Variants in XPR1 observed in about 807,000 individuals in gnomAD.
XPR1 encodes xenotropic and polytropic retrovirus receptor 1.
Under a neutral mutation model 87.5 loss-of-function variants are expected in XPR1, and 28 were observed. That is an observed-to-expected ratio of 0.32 (90% CI 0.24 to 0.44). The LOEUF is 0.44. Ranked by LOEUF, XPR1 falls within the 20% of genes least tolerant of loss-of-function variation. The pLI is 1.00. For missense variants in XPR1, 559 were observed against 862.3 expected, an observed-to-expected ratio of 0.65 and a Z score of 4.41; for synonymous variants, 300 against 306.1, an observed-to-expected ratio of 0.98 and a Z score of 0.21.
intron 2 of XPR1, among the ~76,000 whole-genome samples, chr1:180,770,152 G>A (rs1269490698): frequency 6.6e-6 from 1 of 152,046 alleles, no homozygotes; most frequent in Non-Finnish European, 1.5e-5. Flanking sequence ...CCTGTATTTT[G>A]TTTTATGTTT....
At chr1:180,813,019 T>G (rs922844818) in intron 7 of XPR1, among the ~76,000 whole-genome samples, 4 of 150,326 alleles carry the variant, frequency 2.7e-5, no homozygotes, top group Non-Finnish European at 5.9e-5. Flanking sequence ...CTTGCCTCCT[T>G]ATAGCTACTA....
At chr1:180,674,341 T>G (rs1656292161) in intron 1 of XPR1, among the ~76,000 whole-genome samples, 1 of 151,986 alleles carries the variant, frequency 6.6e-6, no homozygotes, top group Non-Finnish European at 1.5e-5. Context: ...TCACCACAAC[T>G]GCCGCCTCCC....
chr1:180,842,260 A>G (rs965908313), intron 11 of XPR1, among the ~76,000 whole-genome samples: 1 of 152,178 alleles, frequency 6.6e-6, no homozygotes, highest in Admixed American at 6.5e-5. Flanking sequence ...TAGCAACAGC[A>G]TTATATTAGG....
At chr1:180,737,095 T>C (rs934650737) in intron 2 of XPR1, among the ~76,000 whole-genome samples, 3 of 152,186 alleles carry the variant, frequency 2.0e-5, no homozygotes, top group Non-Finnish European at 2.9e-5. Context: ...GATAAGCATC[T>C]TTTTGAGAGT....
At chr1:180,784,028 C>T (rs1571834558) in intron 2 of XPR1, among the ~76,000 whole-genome samples, 1 of 151,782 alleles carries the variant, frequency 6.6e-6, no homozygotes, top group Non-Finnish European at 1.5e-5. Context: ...GCATTCCAGC[C>T]TGGGTGACAG....
intron 11 of XPR1, among the ~76,000 whole-genome samples, chr1:180,851,647 A>G (rs1354213573): frequency 6.6e-6 from 1 of 152,142 alleles, no homozygotes; most frequent in Non-Finnish European, 1.5e-5. Context: ...AAGGCTGTTG[A>G]TCAAATGTGT....
Position 180,847,282 on chromosome 1 carries a change from T to G in XPR1, c.1501+10566T>G, listed in dbSNP as rs567524172. ...AAAGTTGATATTTGAAATTAATTTT[T>G]AAATCTGTCATTAAACTTTCTATTG... On this transcript the variant is annotated intron_variant, in intron 11 of 14. Coordinates refer to ENST00000367590, the MANE Select transcript of XPR1 (RefSeq NM_004736.4). Among the ~76,000 whole-genome samples, 3 of 152,352 alleles carry G rather than the reference T, an allele frequency of 2.0e-5. No homozygotes were observed. The South Asian group carries it at 6.2e-4, about 32-fold the overall frequency.
intron 7 of XPR1, among the ~76,000 whole-genome samples, chr1:180,824,456 C>G (rs1650752174): frequency 1.3e-5 from 2 of 152,062 alleles, no homozygotes; most frequent in African/African-American, 4.8e-5. Flanking sequence ...TGGTGCGTGC[C>G]TGTAATCCCA....
intron 2 of XPR1, among the ~76,000 whole-genome samples, chr1:180,772,925 A>G (rs1300636623): frequency 6.6e-6 from 1 of 152,206 alleles, no homozygotes; most frequent in Non-Finnish European, 1.5e-5. Context: ...TTGCATATAT[A>G]TTAACAACCA....
At chr1:180,819,109 T>C (rs578204242) in intron 7 of XPR1, among the ~76,000 whole-genome samples, 1 of 152,202 alleles carries the variant, frequency 6.6e-6, no homozygotes, top group Non-Finnish European at 1.5e-5. Context: ...AGTAGCACCA[T>C]GCCTGGCTAA....
At position 180,884,126 on chromosome 1, in the gene XPR1, C is replaced by A; in HGVS notation, c.*60C>A. On this transcript the variant is annotated 3_prime_UTR_variant, in exon 15 of 15. Coordinates refer to ENST00000367590, the MANE Select transcript of XPR1 (RefSeq NM_004736.4). ...CCTACTCTACAATCCTTTCCTCGAC[C>A]AACGCAACCTCTAGTACCTTTCCAG... The A allele has an allele frequency of 6.6e-7, 1 of 1,513,916 alleles. No individual in the cohort carries two copies. The highest frequency in any genetic ancestry group is 9.1e-7 in the Non-Finnish European group (1 of 1,093,662). The allele number at this position is 1,513,916 out of a possible 1,614,324, so 93.8% of individuals were successfully genotyped here.
At chr1:180,796,281 T>C (rs1481139042) in intron 3 of XPR1, among the ~76,000 whole-genome samples, 1 of 152,196 alleles carries the variant, frequency 6.6e-6, no homozygotes, top group Non-Finnish European at 1.5e-5. Flanking sequence ...ATTGGGATAC[T>C]TGGTGTCAAA....
intron 1 of XPR1, among the ~76,000 whole-genome samples, chr1:180,680,164 A>G (rs1220592629): frequency 6.6e-6 from 1 of 152,102 alleles, no homozygotes; most frequent in African/African-American, 2.4e-5. Context: ...AATCAAAACC[A>G]CAGTGAGGTA....
At chr1:180,875,781 A>G (rs1652642065) in intron 13 of XPR1, among the ~76,000 whole-genome samples, 1 of 152,116 alleles carries the variant, frequency 6.6e-6, no homozygotes, top group African/African-American at 2.4e-5. Context: ...GCCAAACTTA[A>G]TTTCCTTAAA....
intron 6 of XPR1, among the ~76,000 whole-genome samples, chr1:180,809,906 A>G (rs1650147683): frequency 6.6e-6 from 1 of 152,206 alleles, no homozygotes; most frequent in Admixed American, 6.5e-5. Flanking sequence ...GCTTTCAGTC[A>G]GAAACTAACA....
At chr1:180,724,955 G>A (rs192583497) in intron 2 of XPR1, among the ~76,000 whole-genome samples, 1 of 152,174 alleles carries the variant, frequency 6.6e-6, no homozygotes, top group East Asian at 1.9e-4. Flanking sequence ...CAAACCCGTC[G>A]CCATAAAACT....
At chr1:180,845,115 T>G (rs890847014) in intron 11 of XPR1, among the ~76,000 whole-genome samples, 5 of 152,150 alleles carry the variant, frequency 3.3e-5, no homozygotes, top group African/African-American at 1.2e-4. Flanking sequence ...CATGAAAAAT[T>G]TTCCACTTTG....
At chr1:180,677,442 A>C (rs1656405806) in intron 1 of XPR1, among the ~76,000 whole-genome samples, 1 of 152,028 alleles carries the variant, frequency 6.6e-6, no homozygotes, top group Non-Finnish European at 1.5e-5. Flanking sequence ...AATCATAGAG[A>C]GTCAAAGCTG....
intron 7 of XPR1, among the ~76,000 whole-genome samples, chr1:180,813,209 T>C (rs1220247896): frequency 1.3e-5 from 2 of 152,174 alleles, no homozygotes; most frequent in Non-Finnish European, 2.9e-5. Context: ...CACACTTAGC[T>C]TCACTTTGTT....
Sources: gnomAD v4.1 joint callset for allele counts (sites outside exome capture counted in the v4.1 genomes callset) on GRCh38, gnomAD v4.1.1 for gene constraint, MANE v1.5 for transcripts, NCBI Gene and HGNC (gene_info 2026-07-23, HGNC 2026-07-21) for gene names.